The following INPP4B variants were observed in gnomAD, a reference collection of about 807,000 sequenced individuals.
INPP4B encodes the protein inositol polyphosphate-4-phosphatase type II B.
In INPP4B, 55 loss-of-function variants were observed where a neutral mutation model predicts 122.5. That is an observed-to-expected ratio of 0.45 (90% CI 0.36 to 0.56). INPP4B has a LOEUF of 0.56. Ranked by LOEUF, INPP4B falls within the 20% of genes least tolerant of loss-of-function variation. The probability of loss-of-function intolerance (pLI) is 0.00; values close to 1 mark genes in which losing one functional copy is unlikely to be tolerated. For missense variants in INPP4B, 1,000 were observed against 1,097.7 expected (o/e 0.91, Z 1.26); for synonymous variants, 403 against 388.7 (o/e 1.04, Z -0.43).
intron 2 of INPP4B, among the ~76,000 whole-genome samples, chr4:142,572,058 T>A (rs2150163009): frequency 6.6e-6 from 1 of 152,246 alleles, no homozygotes; most frequent in African/African-American, 2.4e-5. Context: ...TGCTAAAGAT[T>A]CATTTCTTGG....
chr4:142,587,529 T>C (rs1736486669), intron 2 of INPP4B, among the ~76,000 whole-genome samples: 1 of 152,266 alleles, frequency 6.6e-6, no homozygotes, highest in East Asian at 1.9e-4. Context: ...ATGATACCAA[T>C]TCTTTTTTAA....
intron 7 of INPP4B, among the ~76,000 whole-genome samples, chr4:142,352,102 C>A (rs1014861840): frequency 2.6e-5 from 4 of 151,894 alleles, no homozygotes; most frequent in African/African-American, 9.7e-5. Flanking sequence ...CATGAGCTTT[C>A]TTCCTCTGGT....
chr4:142,082,979 A>G (rs1204859516), intron 24 of INPP4B, among the ~76,000 whole-genome samples: 1 of 152,088 alleles, frequency 6.6e-6, no homozygotes, highest in East Asian at 1.9e-4. Flanking sequence ...TAAATAAATT[A>G]GCTAGGCATG....
intron 7 of INPP4B, among the ~76,000 whole-genome samples, chr4:142,394,318 T>C (rs1358321593): frequency 6.6e-6 from 1 of 152,124 alleles, no homozygotes; most frequent in Non-Finnish European, 1.5e-5. Context: ...GCTGATTTTT[T>C]GGATTTTTAG....
rs1207500175 is a variant in INPP4B, at chr4:142,109,831, C to A, written c.2277-1641G>T. On this transcript the variant is annotated intron_variant, in intron 22 of 25. Transcript: ENST00000262992. ...TTACACCTTCTTTCAGGATAGGAAG[C>A]CGATTCCACGCTTCTTGTTACCCTG... is the stretch of plus-strand genomic sequence containing the variant. Among the ~76,000 whole-genome samples the A allele has an allele frequency of 7.2e-5, 11 of 152,224 alleles. No individual in the cohort carries two copies. The South Asian group carries it at 8.3e-4, about 11-fold the overall frequency.
intron 5 of INPP4B, among the ~76,000 whole-genome samples, chr4:142,423,264 C>T (rs1807322432): frequency 6.6e-6 from 1 of 152,004 alleles, no homozygotes; most frequent in Non-Finnish European, 1.5e-5. Context: ...TATGAATGGA[C>T]CTGACATTCA....
At chr4:142,595,649 C>T (rs1738533678) in intron 2 of INPP4B, among the ~76,000 whole-genome samples, 1 of 152,060 alleles carries the variant, frequency 6.6e-6, no homozygotes, top group Admixed American at 6.5e-5. Flanking sequence ...CTGAACAAAC[C>T]TGGACATACA....
At chr4:142,337,674 TTATA>T (rs950762837) in intron 7 of INPP4B, among the ~76,000 whole-genome samples, 1 of 137,596 alleles carries the variant, frequency 7.3e-6, no homozygotes, top group Non-Finnish European at 1.6e-5. Context: ...CCTTTATTCA[TTATA>T]TATATATTAT....
chr4:142,509,396 G>T (rs997971845), intron 2 of INPP4B, among the ~76,000 whole-genome samples: 2 of 151,632 alleles, frequency 1.3e-5, no homozygotes, highest in Non-Finnish European at 2.9e-5. Context: ...TCCCCTGACA[G>T]GCCCCAGTGT....
chr4:142,573,014 G>A (rs1275501464), intron 2 of INPP4B, among the ~76,000 whole-genome samples: 6 of 151,996 alleles, frequency 3.9e-5, no homozygotes, highest in South Asian at 2.1e-4. Context: ...AAGAAGAGAG[G>A]TTAAATTGAC....
intron 7 of INPP4B, among the ~76,000 whole-genome samples, chr4:142,338,670 C>T (rs1169644265): frequency 1.3e-5 from 2 of 152,170 alleles, no homozygotes; most frequent in Non-Finnish European, 2.9e-5. Flanking sequence ...AGCCTAAACT[C>T]CTCATGTGTA....
intron 1 of INPP4B, among the ~76,000 whole-genome samples, chr4:142,806,757 G>GA (rs147897025): frequency 1.3e-4 from 9 of 69,032 alleles, no homozygotes; most frequent in African/African-American, 5.6e-4. Flanking sequence ...AAAAGAAGAA[G>GA]AAGAAAGAAG....
chr4:142,836,795 T>C lies in INPP4B; in HGVS notation c.-254+9414A>G, dbSNP rs539689493. Among the ~76,000 whole-genome samples, 421 of 151,884 alleles carry C rather than the reference T, an allele frequency of 2.8e-3. 3 individuals carry two copies. The highest frequency in any genetic ancestry group is 4.7e-3 in the Non-Finnish European group (320 of 67,954). On this transcript the variant is annotated intron_variant, in intron 1 of 25. Transcript: ENST00000262992. ...CATAAACACATTTTCAACTTTTGTA[T>C]GTTAAAAAATATATATTAATAACAT...
At chr4:142,840,347 T>C (rs995138744) in intron 1 of INPP4B, among the ~76,000 whole-genome samples, 1 of 152,188 alleles carries the variant, frequency 6.6e-6, no homozygotes, top group Non-Finnish European at 1.5e-5. Flanking sequence ...GGGATTAGGA[T>C]TAAAAATGCA....
At chr4:142,738,306 G>T (rs1767319803) in intron 1 of INPP4B, among the ~76,000 whole-genome samples, 1 of 152,132 alleles carries the variant, frequency 6.6e-6, no homozygotes, top group Non-Finnish European at 1.5e-5. Flanking sequence ...CATGTCCTTT[G>T]TAGGGACATG....
chr4:142,763,264 G>A (rs187316256), intron 1 of INPP4B, among the ~76,000 whole-genome samples: 2 of 152,188 alleles, frequency 1.3e-5, no homozygotes, highest in Admixed American at 1.3e-4. Flanking sequence ...TATATTCTAA[G>A]TCTCTCTCCA....
chr4:142,843,697 T>A (rs911174799), intron 1 of INPP4B, among the ~76,000 whole-genome samples: 1 of 116,278 alleles, frequency 8.6e-6, no homozygotes, highest in South Asian at 2.9e-4. Flanking sequence ...TTCCATAATT[T>A]CTTAACTTTT....
chr4:142,414,211 C>T (rs1805199084), intron 5 of INPP4B, among the ~76,000 whole-genome samples: 1 of 151,754 alleles, frequency 6.6e-6, no homozygotes, highest in South Asian at 2.1e-4. Context: ...ATTTTTTTTA[C>T]CATCCTATAA....
intron 7 of INPP4B, among the ~76,000 whole-genome samples, chr4:142,365,160 C>G (rs1015281938): frequency 6.6e-6 from 1 of 152,046 alleles, no homozygotes; most frequent in Non-Finnish European, 1.5e-5. Context: ...TGAAAAATGC[C>G]TTGAAAGTAA....
Sources: gnomAD v4.1 joint callset for allele counts (sites outside exome capture counted in the v4.1 genomes callset) on GRCh38, gnomAD v4.1.1 for gene constraint, MANE v1.5 for transcripts, NCBI Gene and HGNC (gene_info 2026-07-23, HGNC 2026-07-21) for gene names.